Variants in MBNL1 observed in about 807,000 individuals in gnomAD.
MBNL1 encodes muscleblind like splicing regulator 1, also known as muscleblind-like protein 1.
A neutral mutation model predicts 42.2 loss-of-function variants in MBNL1; 8 were observed. The observed-to-expected ratio is 0.19, with a 90% CI of 0.11 to 0.34. The LOEUF is 0.34. Ranked by LOEUF, MBNL1 falls within the 10% of genes least tolerant of loss-of-function variation. The pLI, the probability that MBNL1 is intolerant of heterozygous loss-of-function variation, is 1.00. For missense variants in MBNL1, 309 were observed against 495.3 expected (o/e 0.62, Z 3.57); for synonymous variants, 169 against 173.9 (o/e 0.97, Z 0.22).
intron 1 of MBNL1, among the ~76,000 whole-genome samples, chr3:152,274,831 G>A (rs2150016038): frequency 6.6e-6 from 1 of 152,038 alleles, no homozygotes; most frequent in South Asian, 2.1e-4. Context: ...AGCTGTTGCA[G>A]CCACTAAATA....
intron 2 of MBNL1, among the ~76,000 whole-genome samples, chr3:152,332,034 A>G (rs761886051): frequency 1.1e-4 from 16 of 152,160 alleles, no homozygotes; most frequent in Non-Finnish European, 2.4e-4. Flanking sequence ...ATGATCAGAA[A>G]CTTTAATGCA....
intron 5 of MBNL1, among the ~76,000 whole-genome samples, 182 bp downstream of exon 5, chr3:152,445,721 A>C (rs531437761): frequency 2.0e-5 from 3 of 152,226 alleles, no homozygotes; most frequent in Non-Finnish European, 2.9e-5. Flanking sequence ...TAACTCCTCA[A>C]ATGGTTCAGA....
chr3:152,282,664 A>T (rs987460685), intron 1 of MBNL1, among the ~76,000 whole-genome samples: 1 of 151,584 alleles, frequency 6.6e-6, no homozygotes, highest in African/African-American at 2.4e-5. Flanking sequence ...TTCAATAATT[A>T]AAAAAAAATT....
intron 6 of MBNL1, chr3:152,449,125 C>T (rs1278312834): frequency 6.6e-6 from 1 of 152,164 alleles, no homozygotes; most frequent in Non-Finnish European, 1.5e-5. Context: ...CTGCCCCCAA[C>T]AAACAATCCA....
chr3:152,262,324 G>T (rs1255328724), intron 2 of MBNL1, among the ~76,000 whole-genome samples: 1 of 152,134 alleles, frequency 6.6e-6, no homozygotes, highest in Non-Finnish European at 1.5e-5. Flanking sequence ...GACAAATGTT[G>T]TTCTTATTCA....
chr3:152,311,535 T>C (rs1176082678), intron 2 of MBNL1, among the ~76,000 whole-genome samples: 3 of 152,182 alleles, frequency 2.0e-5, no homozygotes, highest in Non-Finnish European at 4.4e-5. Context: ...TGATTTTGAG[T>C]ATTACATTTC....
chr3:152,439,701 A>G (rs146440744), intron 4 of MBNL1, among the ~76,000 whole-genome samples: 1,747 of 152,168 alleles, frequency 0.011, 24 homozygotes, highest in African/African-American at 0.04. Flanking sequence ...AGTAATTGCT[A>G]TATTAAGAAC....
chr3:152,286,735 G>A (rs915404556), intron 1 of MBNL1, among the ~76,000 whole-genome samples: 10 of 151,724 alleles, frequency 6.6e-5, no homozygotes, highest in Non-Finnish European at 1.5e-4. Flanking sequence ...TTATATGATA[G>A]TTCATTAGAC....
At position 152,415,126 on chromosome 3, in the gene MBNL1, A is replaced by C. The variant is rs375181547; in HGVS notation, c.345+15A>C. On this transcript the variant is annotated intron_variant, in intron 3 of 9. Transcript: ENST00000324210. ...TACAACCCGTGGTAAGCATGTTTTC[A>C]GTCTTCACTCATTAAGTTTTTGATT... The C allele has an allele frequency of 3.1e-5, 48 of 1,555,908 alleles. No homozygotes were observed. Among genetic ancestry groups the C allele is most frequent in the Admixed American group, 2.4e-4 (11 of 45,858 alleles).
intron 2 of MBNL1, among the ~76,000 whole-genome samples, chr3:152,368,911 C>A (rs1278824349): frequency 6.6e-6 from 1 of 152,312 alleles, no homozygotes; most frequent in East Asian, 1.9e-4. Flanking sequence ...AAATTTTGTG[C>A]TGAGACAGTG....
intron 2 of MBNL1, among the ~76,000 whole-genome samples, chr3:152,256,390 A>C (rs17283590): frequency 0.045 from 6,860 of 152,236 alleles, 232 homozygotes; most frequent in Non-Finnish European, 0.072. Flanking sequence ...GCATGGATGA[A>C]GCAGAAAAGA....
At position 152,445,365 on chromosome 3, in the gene MBNL1, T is replaced by C. The variant is rs778354703; in HGVS notation, c.633T>C (p.Ile211=). ...RFAHPADSTM[I]DTNDNTVTVC... is the part of the protein sequence containing the mutation. ...CTCATCCTGCTGACAGCACAATGAT[T>C]GACACCAATGACAACACAGTCACTG... The change falls in exon 5 of 10, where the codon ATT becomes ATC. Residue 211 remains isoleucine, a synonymous_variant. Transcript: ENST00000324210. 4.3e-6 allele frequency: 7 copies of C among 1,613,962 alleles called. No individual in the cohort carries two copies. In the South Asian group the frequency reaches 7.7e-5, roughly 18 times the overall value.
chr3:152,328,806 T>A (rs181824354), intron 2 of MBNL1, among the ~76,000 whole-genome samples: 182 of 152,298 alleles, frequency 1.2e-3, no homozygotes, highest in African/African-American at 4.3e-3. Context: ...TGGATTTTTT[T>A]AAAAACAATA....
Position 152,458,297 on chromosome 3 carries a change from A to G in MBNL1, c.1093-974A>G, listed in dbSNP as rs548713605. On this transcript the variant is annotated intron_variant, in intron 8 of 9. Coordinates refer to ENST00000324210, the MANE Select transcript of MBNL1 (RefSeq NM_021038.5). Reference sequence around the variant, plus strand: ...TGAGAACTGGAAATAAAACAGGGACATATTAATATACACGCCAGACTGTGG... The same window carrying G: ...TGAGAACTGGAAATAAAACAGGGACGTATTAATATACACGCCAGACTGTGG... The G allele has an allele frequency of 2.2e-4, 203 of 935,860 alleles. 1 individual carries two copies. The African/African-American group carries it at 3.0e-3, about 14-fold the overall frequency. 58.0% of individuals were successfully genotyped at this position (935,860 alleles called of 1,614,324 possible). A position where few individuals can be genotyped will look rare whatever the true frequency, so the allele number is the denominator to read the frequency against.
intron 4 of MBNL1, among the ~76,000 whole-genome samples, chr3:152,437,806 C>T (rs985134982): frequency 6.1e-5 from 9 of 148,256 alleles, no homozygotes; most frequent in African/African-American, 2.0e-4. Flanking sequence ...CTAAGTCTCA[C>T]ACTGTTGCCC....
At chr3:152,443,356 C>T (rs1433506733) in intron 4 of MBNL1, among the ~76,000 whole-genome samples, 1 of 152,010 alleles carries the variant, frequency 6.6e-6, no homozygotes, top group Non-Finnish European at 1.5e-5. Context: ...ACTGAGGGAG[C>T]AAATAGCAGC....
rs572169232 is a variant in MBNL1, at chr3:152,410,564, A to G, written c.175-4377A>G. On this transcript the variant is annotated intron_variant, in intron 2 of 9. Transcript: ENST00000324210. ...TTGGAATCTTTGTTGGATTAATTCTATTTTAAAAGCCTCCTTGAATGGAGC... is the reference window on the plus strand; with the variant it reads ...TTGGAATCTTTGTTGGATTAATTCTGTTTTAAAAGCCTCCTTGAATGGAGC... Among the ~76,000 whole-genome samples the G allele has an allele frequency of 7.2e-5, 11 of 152,332 alleles. No homozygotes were observed. The East Asian group carries it at 9.6e-4, about 13-fold the overall frequency.
chr3:152,258,673 C>G (rs769511971), intron 2 of MBNL1, among the ~76,000 whole-genome samples: 2 of 152,194 alleles, frequency 1.3e-5, no homozygotes, highest in Admixed American at 6.5e-5. Flanking sequence ...TGCCAATAAC[C>G]CCAAAGTAGA....
At chr3:152,362,593 T>G (rs1400186400) in intron 2 of MBNL1, among the ~76,000 whole-genome samples, 1 of 152,140 alleles carries the variant, frequency 6.6e-6, no homozygotes, top group African/African-American at 2.4e-5. Context: ...AAATATTTGT[T>G]GTAGAGGGGT....
Sources: gnomAD v4.1 joint callset for allele counts (sites outside exome capture counted in the v4.1 genomes callset) on GRCh38, gnomAD v4.1.1 for gene constraint, MANE v1.5 for transcripts, NCBI Gene and HGNC (gene_info 2026-07-23, HGNC 2026-07-21) for gene names.